The following LRBA variants were observed in gnomAD, a reference collection of about 807,000 sequenced individuals.
The protein encoded by LRBA is LPS responsive beige-like anchor protein.
LRBA carries 176 observed loss-of-function variants against 330.0 expected under a neutral mutation model. The observed-to-expected ratio is 0.53, with a 90% CI of 0.47 to 0.60. LRBA has a LOEUF of 0.60. Among genes scored for constraint, LRBA ranks in the 20% least tolerant of loss-of-function variants. LRBA has a pLI of 0.00. For missense variants in LRBA, 3,259 were observed against 3,444.8 expected (o/e 0.95, Z 1.35); for synonymous variants, 1,230 against 1,193.0 (o/e 1.03, Z -0.64).
At chr4:150,723,518 G>T (rs998454081) in intron 36 of LRBA, among the ~76,000 whole-genome samples, 3 of 152,146 alleles carry the variant, frequency 2.0e-5, no homozygotes, top group African/African-American at 4.8e-5. Flanking sequence ...TTCATCACCT[G>T]CAGATTAAAG....
At position 150,273,694 on chromosome 4, in the gene LRBA, A is replaced by G. The variant is rs112342494; in HGVS notation, c.8468+4159T>C. 4.2e-3 allele frequency among the ~76,000 whole-genome samples: 636 copies of G among 152,298 alleles called. 4 individuals are homozygous for G. The highest frequency in any genetic ancestry group is 0.014 in the African/African-American group (583 of 41,568). The stretch of plus-strand genomic sequence containing the variant: ...CTCTGATAAAGCAGACTTTAAATCA[A>G]CAAAGATCAAAAGAGACAAAGAAGG... On this transcript the variant is annotated intron_variant, in intron 56 of 56. Coordinates refer to ENST00000651943, the MANE Select transcript of LRBA (RefSeq NM_001364905.1).
chr4:150,787,271 A>G (rs1739221168), intron 34 of LRBA, among the ~76,000 whole-genome samples: 1 of 151,970 alleles, frequency 6.6e-6, no homozygotes, highest in South Asian at 2.1e-4. Flanking sequence ...TTTACAACCT[A>G]CTTTGCTCTG....
chr4:150,700,215 CAG>C (rs1371786883), intron 36 of LRBA, among the ~76,000 whole-genome samples: 18 of 151,840 alleles, frequency 1.2e-4, no homozygotes, highest in Non-Finnish European at 4.4e-5. Flanking sequence ...TGATAGAAAA[CAG>C]AAAAGCCACA....
chr4:150,902,911 T>C (rs1354734074), intron 13 of LRBA, among the ~76,000 whole-genome samples: 2 of 152,206 alleles, frequency 1.3e-5, no homozygotes, highest in African/African-American at 4.8e-5. Context: ...ACCACCACTG[T>C]AGGGAAACCT....
rs555482145 is a variant in LRBA, at chr4:150,389,353, C to CTAAA, written c.7194+26081_7194+26084dup. ...TGAACAACAGAGTGAGACTCAGTCT[C>CTAAA]TAAATAAATAAATAAATAAATAAAT... On this transcript the variant is annotated intron_variant, in intron 47 of 56. Transcript: ENST00000651943. Among the ~76,000 whole-genome samples, 389 of 150,254 alleles carry CTAAA rather than the reference C, an allele frequency of 2.6e-3. 2 individuals carry two copies. Among genetic ancestry groups the CTAAA allele is most frequent in the Middle Eastern group, 0.017 (5 of 290 alleles).
At chr4:150,720,562 G>T (rs754732398) in intron 36 of LRBA, among the ~76,000 whole-genome samples, 2 of 151,962 alleles carry the variant, frequency 1.3e-5, no homozygotes, top group Non-Finnish European at 2.9e-5. Context: ...AAGGATCAAA[G>T]AAAGTCAAGC....
intron 2 of LRBA, among the ~76,000 whole-genome samples, chr4:150,952,146 G>C (rs1347385706): frequency 6.6e-6 from 1 of 152,038 alleles, no homozygotes; most frequent in Non-Finnish European, 1.5e-5. Flanking sequence ...CACCTCCAAG[G>C]AGCAGTACTG....
At chr4:150,612,672 T>C (rs1409478355) in intron 37 of LRBA, among the ~76,000 whole-genome samples, 1 of 152,226 alleles carries the variant, frequency 6.6e-6, no homozygotes, top group Non-Finnish European at 1.5e-5. Context: ...ACAAATATTT[T>C]CTGAGTACCT....
intron 2 of LRBA, among the ~76,000 whole-genome samples, chr4:150,981,793 T>C (rs1260924109): frequency 5.3e-5 from 8 of 151,884 alleles, no homozygotes; most frequent in Admixed American, 4.6e-4. Context: ...ACCCTGTGTC[T>C]ACTAAAAATA....
intron 37 of LRBA, among the ~76,000 whole-genome samples, chr4:150,636,782 G>A (rs1777962323): frequency 2.6e-5 from 4 of 152,018 alleles, no homozygotes; most frequent in Admixed American, 2.6e-4. Context: ...CAAGTAATTG[G>A]CACCACAGAC....
At chr4:150,643,018 A>G (rs929709758) in intron 37 of LRBA, among the ~76,000 whole-genome samples, 1 of 151,922 alleles carries the variant, frequency 6.6e-6, no homozygotes, top group Non-Finnish European at 1.5e-5. Flanking sequence ...CATTTAACCC[A>G]CATAAAAATT....
At chr4:150,846,381 T>C (rs1749844236) in intron 26 of LRBA, among the ~76,000 whole-genome samples, 1 of 151,896 alleles carries the variant, frequency 6.6e-6, no homozygotes, top group African/African-American at 2.4e-5. Flanking sequence ...ATGCAAAGAA[T>C]TAGCCGGGTG....
intron 36 of LRBA, among the ~76,000 whole-genome samples, chr4:150,720,470 A>G (rs1728789782): frequency 6.6e-6 from 1 of 151,990 alleles, no homozygotes; most frequent in Non-Finnish European, 1.5e-5. Flanking sequence ...TAAGCTTTAT[A>G]GACATAATAA....
chr4:150,658,959 T>TCCG (rs1780648396), intron 37 of LRBA, among the ~76,000 whole-genome samples: 1 of 75,614 alleles, frequency 1.3e-5, no homozygotes, highest in Non-Finnish European at 3.3e-5. Flanking sequence ...CCGCGAGTGA[T>TCCG]CCGCCAACCT....
intron 28 of LRBA, among the ~76,000 whole-genome samples, chr4:150,836,447 G>A (rs897128427): frequency 6.6e-6 from 1 of 152,118 alleles, no homozygotes; most frequent in Non-Finnish European, 1.5e-5. Context: ...TTTTTTGGTT[G>A]TTAGGCTATT....
intron 47 of LRBA, among the ~76,000 whole-genome samples, chr4:150,389,238 T>C (rs1324525337): frequency 6.6e-6 from 1 of 151,930 alleles, no homozygotes; most frequent in Non-Finnish European, 1.5e-5. Context: ...GTGCCTGTAG[T>C]CCCAGCTCAG....
chr4:150,728,444 C>G (rs989724301), intron 36 of LRBA, among the ~76,000 whole-genome samples: 1 of 151,990 alleles, frequency 6.6e-6, no homozygotes, highest in Non-Finnish European at 1.5e-5. Flanking sequence ...CAAAAATCCT[C>G]AAGAAAATAC....
At chr4:150,670,376 T>C (rs1408736619) in intron 37 of LRBA, among the ~76,000 whole-genome samples, 1 of 152,266 alleles carries the variant, frequency 6.6e-6, no homozygotes, top group Non-Finnish European at 1.5e-5. Context: ...AATATTATAA[T>C]GTTGCTCAAA....
chr4:150,559,184 G>C (rs1767726772), intron 40 of LRBA, among the ~76,000 whole-genome samples: 1 of 152,092 alleles, frequency 6.6e-6, no homozygotes, highest in South Asian at 2.1e-4. Context: ...GCAATGTCAA[G>C]AAAGACAAAG....
Sources: gnomAD v4.1 joint callset for allele counts (sites outside exome capture counted in the v4.1 genomes callset) on GRCh38, gnomAD v4.1.1 for gene constraint, MANE v1.5 for transcripts, NCBI Gene and HGNC (gene_info 2026-07-23, HGNC 2026-07-21) for gene names.